The following DLGAP2 variants were observed in gnomAD, a reference collection of about 807,000 sequenced individuals.
The protein encoded by DLGAP2 is disks large-associated protein 2.
Under a neutral mutation model 100.3 loss-of-function variants are expected in DLGAP2, and 26 were observed. The ratio of observed to expected loss-of-function variants is 0.26; its 90% CI spans 0.19 to 0.36. The LOEUF (loss-of-function observed/expected upper bound fraction) is 0.36. DLGAP2 is among the 10% of genes least tolerant of loss of function. The probability of loss-of-function intolerance (pLI) is 1.00; values close to 1 mark genes in which losing one functional copy is unlikely to be tolerated. For synonymous variants in DLGAP2, 886 were observed against 630.1 expected (o/e 1.41, Z -6.08); for missense variants, 1,858 against 1,453.2 (o/e 1.28, Z -4.53).
At chr8:782,005 A>G (rs763249749) in intron 1 of DLGAP2, among the ~76,000 whole-genome samples, 5 of 152,328 alleles carry the variant, frequency 3.3e-5, no homozygotes, top group Middle Eastern at 3.4e-3. Flanking sequence ...CTGGTGTTCA[A>G]TCAACCAGCA....
At chr8:1,356,244 G>C (rs1298771475) in intron 3 of DLGAP2, among the ~76,000 whole-genome samples, 2 of 152,176 alleles carry the variant, frequency 1.3e-5, no homozygotes, top group Non-Finnish European at 2.9e-5. Context: ...GACCCGGGGA[G>C]CCATGGTGCA....
chr8:1,301,450 T>C (rs1046243163), intron 3 of DLGAP2: 2 of 148,812 alleles, frequency 1.3e-5, no homozygotes, highest in African/African-American at 4.9e-5. Context: ...CCACTTTTTT[T>C]TTTTCTTAAT....
chr8:967,357 C>T (rs868161745), intron 2 of DLGAP2, among the ~76,000 whole-genome samples: 21 of 152,308 alleles, frequency 1.4e-4, no homozygotes, highest in South Asian at 4.1e-4. Flanking sequence ...CTTGAGAATT[C>T]TGTGCCGCTT....
intron 3 of DLGAP2, among the ~76,000 whole-genome samples, chr8:1,262,097 A>G (rs1799362605): frequency 6.6e-6 from 1 of 152,202 alleles, no homozygotes; most frequent in African/African-American, 2.4e-5. Flanking sequence ...TGTGAGAGCT[A>G]CTTCTTTGGA....
chr8:1,508,275 C>G (rs1163612939), intron 4 of DLGAP2, among the ~76,000 whole-genome samples: 1 of 143,120 alleles, frequency 7.0e-6, no homozygotes, highest in Non-Finnish European at 1.5e-5. Context: ...TGCCCCCTGC[C>G]ATACCCCGCA....
chr8:1,167,302 G>A (rs1456351146), intron 2 of DLGAP2, among the ~76,000 whole-genome samples: 1 of 152,192 alleles, frequency 6.6e-6, no homozygotes, highest in Non-Finnish European at 1.5e-5. Context: ...TCAAGAGCAG[G>A]AGAGAAGTAA....
In DLGAP2 at chr8:1,122,369, T is replaced by G. The variant is rs752082078; in HGVS notation, c.74-136482T>G. On this transcript the variant is annotated intron_variant, in intron 2 of 14. Transcript: ENST00000637795. ...ACATGAGATTCTAAATGGCTTTCCCTAGGATGGGCTGATCTTTACCAATGG... is the reference window on the plus strand; with the variant it reads ...ACATGAGATTCTAAATGGCTTTCCCGAGGATGGGCTGATCTTTACCAATGG... 7.6e-4 allele frequency among the ~76,000 whole-genome samples: 116 copies of G among 152,146 alleles called. 1 individual carries two copies. Among genetic ancestry groups the G allele is most frequent in the Non-Finnish European group, 5.7e-4 (39 of 68,014 alleles).
At chr8:1,036,482 G>A (rs887168251) in intron 2 of DLGAP2, among the ~76,000 whole-genome samples, 8 of 152,248 alleles carry the variant, frequency 5.3e-5, no homozygotes, top group Non-Finnish European at 8.8e-5. Context: ...TCTGGCGGCC[G>A]TGGGGACGGT....
chr8:1,081,146 T>C (rs1672209435), intron 2 of DLGAP2, among the ~76,000 whole-genome samples: 1 of 152,218 alleles, frequency 6.6e-6, no homozygotes, highest in Admixed American at 6.5e-5. Flanking sequence ...CCTTTCTTAC[T>C]GTTTTCTCGT....
At chr8:1,593,101 C>T (rs1290252249) in intron 6 of DLGAP2, among the ~76,000 whole-genome samples, 1 of 152,122 alleles carries the variant, frequency 6.6e-6, no homozygotes, top group Admixed American at 6.5e-5. Flanking sequence ...CTGGGCCCTC[C>T]TTCCCCTCAA....
intron 2 of DLGAP2, among the ~76,000 whole-genome samples, chr8:1,177,310 T>G (rs1273158278): frequency 1.3e-5 from 2 of 152,156 alleles, no homozygotes; most frequent in African/African-American, 4.8e-5. Flanking sequence ...CTTGGAGTAT[T>G]TTTTGCTCAG....
chr8:818,561 G>A (rs1796528473), intron 1 of DLGAP2, among the ~76,000 whole-genome samples: 1 of 152,198 alleles, frequency 6.6e-6, no homozygotes, highest in African/African-American at 2.4e-5. Context: ...TCCTGCCGTA[G>A]TTCTTGGGGC....
At chr8:1,528,420 A>C (rs1800868621) in intron 4 of DLGAP2, among the ~76,000 whole-genome samples, 1 of 152,244 alleles carries the variant, frequency 6.6e-6, no homozygotes, top group South Asian at 2.1e-4. Flanking sequence ...AAGACGTCAT[A>C]AACTCCTAAG....
chr8:1,660,426 G>T (rs548486274), intron 8 of DLGAP2, among the ~76,000 whole-genome samples: 2 of 152,050 alleles, frequency 1.3e-5, no homozygotes, highest in Non-Finnish European at 2.9e-5. Context: ...ATGCATATAC[G>T]CCCACTGTAA....
At chr8:1,322,341 A>T (rs1800920856) in intron 3 of DLGAP2, among the ~76,000 whole-genome samples, 2 of 152,252 alleles carry the variant, frequency 1.3e-5, no homozygotes, top group South Asian at 4.1e-4. Context: ...TACCACAATA[A>T]ATACAACAAA....
chr8:1,189,696 G>T (rs1411389483), intron 2 of DLGAP2, among the ~76,000 whole-genome samples: 1 of 151,892 alleles, frequency 6.6e-6, no homozygotes, highest in African/African-American at 2.4e-5. Context: ...CCCTCAGGAA[G>T]TTTACAGTTT....
intron 3 of DLGAP2, among the ~76,000 whole-genome samples, chr8:1,459,684 C>CTTTTT (rs3052056): frequency 1.7e-4 from 21 of 120,812 alleles, no homozygotes; most frequent in East Asian, 7.4e-4. Flanking sequence ...CTGTTGTTTT[C>CTTTTT]TTTTTTTTTT....
intron 2 of DLGAP2, among the ~76,000 whole-genome samples, chr8:919,922 C>G (rs1424678286): frequency 6.6e-6 from 1 of 152,056 alleles, no homozygotes. Context: ...TTAATAACTC[C>G]CTTCCACCCC....
At chr8:1,179,751 T>TA (rs1797340709) in intron 2 of DLGAP2, among the ~76,000 whole-genome samples, 1 of 152,178 alleles carries the variant, frequency 6.6e-6, no homozygotes, top group Non-Finnish European at 1.5e-5. Context: ...TTATGAAATA[T>TA]AAATGGGAGT....
Sources: gnomAD v4.1 joint callset for allele counts (sites outside exome capture counted in the v4.1 genomes callset) on GRCh38, gnomAD v4.1.1 for gene constraint, MANE v1.5 for transcripts, NCBI Gene and HGNC (gene_info 2026-07-23, HGNC 2026-07-21) for gene names.